TTC38: variants seen among roughly 807,000 people sequenced by gnomAD.
The protein encoded by TTC38 is tetratricopeptide repeat protein 38.
A neutral mutation model predicts 64.2 loss-of-function variants in TTC38; 64 were observed. The ratio of observed to expected loss-of-function variants is 1.00; its 90% CI spans 0.81 to 1.23. The LOEUF is 1.23. Ranked by LOEUF, TTC38 falls within the 50% of genes most tolerant of loss-of-function variation. TTC38 has a pLI of 0.00. For missense variants in TTC38, 573 were observed against 615.5 expected, an observed-to-expected ratio of 0.93 and a Z score of 0.73; for synonymous variants, 254 against 249.3, an observed-to-expected ratio of 1.02 and a Z score of -0.18.
intron 6 of TTC38, among the ~76,000 whole-genome samples, chr22:46,279,354 T>C (rs1018688607): frequency 1.8e-4 from 27 of 152,202 alleles, no homozygotes; most frequent in African/African-American, 6.0e-4. Context: ...TGTGTGGCAC[T>C]TCATGTGTGT....
chr22:46,274,164 G>T lies in TTC38; in HGVS notation c.365+95G>T. 2.2e-6 allele frequency: 2 copies of T among 927,222 alleles called. No individual in the cohort carries two copies. Among genetic ancestry groups the T allele is most frequent in the Non-Finnish European group, 3.2e-6 (2 of 619,868 alleles). The allele number at this position is 927,222 out of a possible 1,614,324, so 57.4% of individuals were successfully genotyped here. A position where few individuals can be genotyped will look rare whatever the true frequency, so the allele number is the denominator to read the frequency against. ...TCCTGATGCCCTTGGGACGGGGGCG[G>T]GGTGGGAGAATGCTTCTCTCCCTGC... On this transcript the variant is annotated intron_variant, in intron 4 of 13. Transcript: ENST00000381031. This position sits in a 1 kb window ranked among gnomAD's most constrained non-coding sequence, Gnocchi z 4.8.
chr22:46,285,357 C>CG, intron 9 of TTC38, 78 bp downstream of exon 9: 2 of 1,367,886 alleles, frequency 1.5e-6, no homozygotes, highest in Non-Finnish European at 2.1e-6. Flanking sequence ...TTTTTGAGTT[C>CG]ATCAGGATTG....
chr22:46,292,122 C>T lies in TTC38; in HGVS notation c.1317-669C>T. ...TGGACAGCCACTTTCTTGCTGTGTCCTCACATGACCTTTCCTTTGAGTGCT... is the reference window on the plus strand; with the variant it reads ...TGGACAGCCACTTTCTTGCTGTGTCTTCACATGACCTTTCCTTTGAGTGCT... On this transcript the variant is annotated intron_variant, in intron 13 of 13. Coordinates refer to ENST00000381031, the MANE Select transcript of TTC38 (RefSeq NM_017931.4). The surrounding 1 kb of genome is among the most constrained non-coding windows in gnomAD (Gnocchi z 6.5). 2.5e-6 allele frequency: 1 copy of T among 393,582 alleles called. No homozygotes were observed. The highest frequency in any genetic ancestry group is 2.0e-5 in the South Asian group (1 of 49,684). The allele number at this position is 393,582 out of a possible 1,614,324, so 24.4% of individuals were successfully genotyped here.
Position 46,282,293 on chromosome 22 carries a change from A to G in TTC38, c.735+575A>G, listed in dbSNP as rs1486304288. The G allele has an allele frequency of 8.0e-6, 2 of 250,982 alleles. No individual in the cohort carries two copies. Among genetic ancestry groups the G allele is most frequent in the Admixed American group, 5.0e-5 (1 of 19,976 alleles). 15.5% of individuals were successfully genotyped at this position (250,982 alleles called of 1,614,324 possible). On this transcript the variant is annotated intron_variant, in intron 7 of 13. Coordinates refer to ENST00000381031, the MANE Select transcript of TTC38 (RefSeq NM_017931.4). The surrounding 1 kb of genome is among the most constrained non-coding windows in gnomAD (Gnocchi z 4.4). ...CCTAGAGCCCAGGTACAAGGCGGAC[A>G]TGGGCTGTGCAGGAGGCCTTGTCAG...
At chr22:46,288,730 G>A (rs2077590054) in intron 11 of TTC38, 142 bp downstream of exon 11, 8 of 791,470 alleles carry the variant, frequency 1.0e-5, no homozygotes, top group Non-Finnish European at 1.6e-5. Flanking sequence ...CAGCTCCCAG[G>A]TGTGCACCCC....
chr22:46,286,996 A>G, intron 9 of TTC38, 77 bp from the exon 10 acceptor site: 1 of 1,197,964 alleles, frequency 8.3e-7, no homozygotes. Flanking sequence ...CCACCTGGAC[A>G]GGCTGACCCT....
At chr22:46,280,568 C>T (rs2147793818) in intron 6 of TTC38, among the ~76,000 whole-genome samples, 1 of 152,378 alleles carries the variant, frequency 6.6e-6, no homozygotes, top group Non-Finnish European at 1.5e-5. Context: ...GCCCAAGTGT[C>T]CTGTACTCAG....
chr22:46,268,015 G>C lies in TTC38; in HGVS notation c.-25G>C, dbSNP rs775146670. On this transcript the variant is annotated 5_prime_UTR_variant, in exon 1 of 14. Coordinates refer to ENST00000381031, the MANE Select transcript of TTC38 (RefSeq NM_017931.4). ...AGGAAGGCCCGGGTGCCCAGAGCTC[G>C]CGGTGGACTCCGACCCGGCGCAACA... The C allele has an allele frequency of 5.7e-5, 87 of 1,529,024 alleles. 2 individuals are homozygous for C. The South Asian group carries it at 5.9e-4, about 10-fold the overall frequency. 94.7% of individuals were successfully genotyped at this position (1,529,024 alleles called of 1,614,324 possible).
Position 46,274,497 on chromosome 22 carries a change from T to C in TTC38, c.365+428T>C, listed in dbSNP as rs6007761. Among the ~76,000 whole-genome samples the C allele has an allele frequency of 0.24, 36,240 of 152,246 alleles. 6,602 individuals are homozygous for C. Among genetic ancestry groups the C allele is most frequent in the African/African-American group, 0.51 (21,153 of 41,522 alleles). On this transcript the variant is annotated intron_variant, in intron 4 of 13. Coordinates refer to ENST00000381031, the MANE Select transcript of TTC38 (RefSeq NM_017931.4). This position sits in a 1 kb window ranked among gnomAD's most constrained non-coding sequence, Gnocchi z 4.8. ...TCACATCATCCCCCCGCTGTTCCTA[T>C]GCTGGTTCCCTCATTCTCCGGGACA...
At chr22:46,269,546 C>T (rs767238547) in intron 2 of TTC38, among the ~76,000 whole-genome samples, 5 of 152,268 alleles carry the variant, frequency 3.3e-5, no homozygotes, top group South Asian at 2.1e-4. Flanking sequence ...CTGACCTTGG[C>T]GTGGGTGGTG....
chr22:46,286,661 CAAAA>C (rs75063671), intron 9 of TTC38, among the ~76,000 whole-genome samples: 3 of 113,120 alleles, frequency 2.7e-5, no homozygotes, highest in Admixed American at 9.4e-5. Flanking sequence ...GACCCTATCT[CAAAA>C]AAAAAAAAAA....
At chr22:46,285,394 A>G in intron 9 of TTC38, 115 bp downstream of exon 9, 3 of 1,043,434 alleles carry the variant, frequency 2.9e-6, no homozygotes, top group South Asian at 2.5e-5. Context: ...AGCTGGAGCA[A>G]GAACACATTT....
chr22:46,291,849 G>C lies in TTC38; in HGVS notation c.1317-942G>C, dbSNP rs1470112773. ...TGGGTACCTGTAATCCCGGCTAGTCGGGAGCCTGAGGCAGGAGAATCGCTT... is the reference window on the plus strand; with the variant it reads ...TGGGTACCTGTAATCCCGGCTAGTCCGGAGCCTGAGGCAGGAGAATCGCTT... On this transcript the variant is annotated intron_variant, in intron 13 of 13. Transcript: ENST00000381031. The surrounding 1 kb of genome is among the most constrained non-coding windows in gnomAD (Gnocchi z 4.6). 6.6e-6 allele frequency among the ~76,000 whole-genome samples: 1 copy of C among 152,150 alleles called. No individual in the cohort carries two copies. Among genetic ancestry groups the C allele is most frequent in the Non-Finnish European group, 1.5e-5 (1 of 68,024 alleles).
At chr22:46,285,402 T>C in intron 9 of TTC38, 123 bp downstream of exon 9, 1 of 985,948 alleles carries the variant, frequency 1.0e-6, no homozygotes, top group Non-Finnish European at 1.6e-6. Flanking sequence ...CAAGAACACA[T>C]TTCTTGTGTA....
chr22:46,269,587 A>G (rs898006662), intron 2 of TTC38, among the ~76,000 whole-genome samples: 1 of 152,156 alleles, frequency 6.6e-6, no homozygotes, highest in Non-Finnish European at 1.5e-5. Context: ...CATCCACATA[A>G]CAGGAGGACT....
At chr22:46,277,076 C>CACACAT (rs1274446444) in intron 5 of TTC38, among the ~76,000 whole-genome samples, 3 of 151,096 alleles carry the variant, frequency 2.0e-5, no homozygotes, top group African/African-American at 7.3e-5. Flanking sequence ...CACACACACA[C>CACACAT]ACACACACAT....
chr22:46,280,894 A>G (rs1249251189), intron 6 of TTC38, among the ~76,000 whole-genome samples: 1 of 152,218 alleles, frequency 6.6e-6, no homozygotes, highest in Non-Finnish European at 1.5e-5. Flanking sequence ...TCCATTTTCT[A>G]AGCTCTGACT....
rs1432681974 is a variant in TTC38 at position 46,287,016 on chromosome 22, T to C, written c.835-57T>C. ...TGGACAGGCTGACCCTGGCTGTGCC[T>C]GCAGCCCCATCATCTGGGCCACCCG... On this transcript the variant is annotated intron_variant, in intron 9 of 13. Transcript: ENST00000381031. The C allele has an allele frequency of 2.8e-6, 4 of 1,424,754 alleles. No homozygotes were observed. The African/African-American group carries it at 5.6e-5, about 20-fold the overall frequency. The allele number at this position is 1,424,754 out of a possible 1,614,324, so 88.3% of individuals were successfully genotyped here. A position where few individuals can be genotyped will look rare whatever the true frequency, so the allele number is the denominator to read the frequency against.
intron 2 of TTC38, chr22:46,269,213 C>T: frequency 2.9e-6 from 1 of 344,154 alleles, no homozygotes; most frequent in South Asian, 2.2e-5. Flanking sequence ...CTCCCCGGGC[C>T]TCCCATTGTG....
Sources: allele counts gnomAD v4.1 joint callset (sites outside exome capture counted in the v4.1 genomes callset), GRCh38; gene constraint gnomAD v4.1.1; non-coding constraint Gnocchi (gnomAD v3.1); transcripts MANE v1.5; gene names NCBI Gene and HGNC (gene_info 2026-07-23, HGNC 2026-07-21).